The following NDRG3 variants were observed in gnomAD, a reference collection of about 807,000 sequenced individuals.
NDRG3 encodes the protein protein NDRG3.
A neutral mutation model predicts 57.2 loss-of-function variants in NDRG3; 23 were observed. That is an observed-to-expected ratio of 0.40 (90% confidence interval 0.29 to 0.57). The LOEUF is 0.57. Among genes scored for constraint, NDRG3 ranks in the 20% least tolerant of loss-of-function variants. The probability of loss-of-function intolerance (pLI) is 0.42; values close to 1 mark genes in which losing one functional copy is unlikely to be tolerated. For missense variants in NDRG3, 384 were observed against 457.3 expected (o/e 0.84, Z 1.46); for synonymous variants, 132 against 162.6 (o/e 0.81, Z 1.43).
At chr20:36,714,032 T>C (rs1468139357) in intron 2 of NDRG3, among the ~76,000 whole-genome samples, 1 of 151,916 alleles carries the variant, frequency 6.6e-6, no homozygotes, top group African/African-American at 2.4e-5. Flanking sequence ...GCTCAGAAAA[T>C]ACTCAGTTTT....
chr20:36,661,630 G>A (rs527444816), intron 12 of NDRG3, among the ~76,000 whole-genome samples: 6 of 152,326 alleles, frequency 3.9e-5, no homozygotes, highest in Admixed American at 2.6e-4. Context: ...GGGGTGGAAC[G>A]GAATGGCTAC....
At chr20:36,693,366 T>C (rs1449455660) in intron 3 of NDRG3, among the ~76,000 whole-genome samples, 3 of 150,486 alleles carry the variant, frequency 2.0e-5, no homozygotes, top group African/African-American at 4.9e-5. Flanking sequence ...TAGTCAAAAA[T>C]CCACATATAA....
rs1201319236 is a variant in NDRG3, at chr20:36,712,559, CTATATA to C, written c.58-5558_58-5553del. ...TACTGGCATGTGCCACCATGCCCGG[CTATATA>C]TATATATATATATATATATATATTT... On this transcript the variant is annotated intron_variant, in intron 2 of 15. Transcript: ENST00000349004. 2.5e-3 allele frequency among the ~76,000 whole-genome samples: 51 copies of C among 20,746 alleles called. 3 individuals carry two copies. The highest frequency in any genetic ancestry group is 4.3e-3 in the African/African-American group (30 of 7,050). The allele number at this position is 20,746 out of a possible 152,430, so 13.6% of individuals were successfully genotyped here. A position where few individuals can be genotyped will look rare whatever the true frequency, so the allele number is the denominator to read the frequency against.
At chr20:36,676,015 C>A (rs1600877657) in intron 8 of NDRG3, among the ~76,000 whole-genome samples, 1 of 151,862 alleles carries the variant, frequency 6.6e-6, no homozygotes, top group East Asian at 1.9e-4. Context: ...CTGAGGCGGG[C>A]GGATCATGAG....
chr20:36,733,696 CA>C (rs1456906316), intron 1 of NDRG3, among the ~76,000 whole-genome samples: 4 of 142,428 alleles, frequency 2.8e-5, no homozygotes, highest in Admixed American at 7.1e-5. Context: ...GACTCCATCT[CA>C]AAAAAAAAAT....
chr20:36,726,097 A>G (rs1268246048), intron 1 of NDRG3, among the ~76,000 whole-genome samples: 2 of 151,676 alleles, frequency 1.3e-5, no homozygotes. Flanking sequence ...CTTAAAAAAC[A>G]TTTTTTTTAG....
intron 1 of NDRG3, among the ~76,000 whole-genome samples, chr20:36,727,129 T>C (rs1984985129): frequency 6.6e-6 from 1 of 152,182 alleles, no homozygotes; most frequent in Non-Finnish European, 1.5e-5. Flanking sequence ...TTAGCAAGGC[T>C]GGTCTCAAAC....
intron 13 of NDRG3, among the ~76,000 whole-genome samples, chr20:36,659,668 T>C (rs1484294811): frequency 6.6e-6 from 1 of 152,032 alleles, no homozygotes; most frequent in East Asian, 2.0e-4. Flanking sequence ...TGGTGCAATC[T>C]CAGCTCACTG....
At chr20:36,717,880 A>C (rs1449264618) in intron 2 of NDRG3, among the ~76,000 whole-genome samples, 2 of 152,174 alleles carry the variant, frequency 1.3e-5, no homozygotes, top group Non-Finnish European at 2.9e-5. Context: ...ATTAGCATCT[A>C]GTGGGTAGAG....
intron 2 of NDRG3, among the ~76,000 whole-genome samples, chr20:36,713,316 T>A (rs1984034271): frequency 6.6e-6 from 1 of 151,954 alleles, no homozygotes; most frequent in Non-Finnish European, 1.5e-5. Context: ...TGGCCATATG[T>A]AAAAGGTAAA....
intron 13 of NDRG3, among the ~76,000 whole-genome samples, chr20:36,657,344 C>A (rs916460459): frequency 1.3e-5 from 2 of 151,964 alleles, no homozygotes; most frequent in African/African-American, 4.8e-5. Context: ...AAAAATTAGC[C>A]GGGCGTGGTG....
chr20:36,669,550 A>C (rs1979957889), intron 9 of NDRG3, among the ~76,000 whole-genome samples: 1 of 151,704 alleles, frequency 6.6e-6, no homozygotes, highest in African/African-American at 2.4e-5. Context: ...TTTTTAGTAG[A>C]GACAGGGTTT....
At chr20:36,735,960 GGCC>G (rs1303561355) in intron 1 of NDRG3, among the ~76,000 whole-genome samples, 2 of 146,440 alleles carry the variant, frequency 1.4e-5, no homozygotes, top group Non-Finnish European at 3.0e-5. Context: ...GGCAGAGCGA[GGCC>G]CTGTCTCAAA....
intron 3 of NDRG3, among the ~76,000 whole-genome samples, chr20:36,698,295 C>T (rs1982972577): frequency 6.6e-6 from 1 of 151,252 alleles, no homozygotes; most frequent in Non-Finnish European, 1.5e-5. Context: ...CTACAAATCT[C>T]CGGAAGCTTT....
intron 1 of NDRG3, among the ~76,000 whole-genome samples, chr20:36,725,408 G>C (rs892475180): frequency 6.6e-6 from 1 of 152,054 alleles, no homozygotes; most frequent in Non-Finnish European, 1.5e-5. Context: ...TTCGAGACCA[G>C]TCTGGACAAC....
intron 12 of NDRG3, among the ~76,000 whole-genome samples, 188 bp from the exon 13 acceptor site, chr20:36,660,572 T>TTTATTTATTTATTTATTTATTTA (rs1568622567): frequency 1.4e-4 from 20 of 147,738 alleles, no homozygotes; most frequent in African/African-American, 5.1e-4. Flanking sequence ...TTATTTATTT[T>TTTATTTATTTATTTATTTATTTA]TTTTTTGAGA....
chr20:36,680,503 C>G (rs994040361), intron 8 of NDRG3, among the ~76,000 whole-genome samples: 2 of 147,302 alleles, frequency 1.4e-5, no homozygotes, highest in South Asian at 4.3e-4. Context: ...AAAAAAAATA[C>G]AGTTTCTATG....
intron 2 of NDRG3, among the ~76,000 whole-genome samples, chr20:36,708,847 T>G (rs1312107939): frequency 1.3e-5 from 2 of 152,084 alleles, no homozygotes; most frequent in East Asian, 3.9e-4. Flanking sequence ...GAGACCAGCC[T>G]GACCAACATG....
chr20:36,689,894 G>A (rs1052956695), intron 3 of NDRG3, among the ~76,000 whole-genome samples: 1 of 151,814 alleles, frequency 6.6e-6, no homozygotes, highest in Non-Finnish European at 1.5e-5. Context: ...CTAATTTTTT[G>A]TATTTTTAGT....
Sources: allele counts gnomAD v4.1 joint callset (sites outside exome capture counted in the v4.1 genomes callset), GRCh38; gene constraint gnomAD v4.1.1; transcripts MANE v1.5; gene names NCBI Gene and HGNC (gene_info 2026-07-23, HGNC 2026-07-21).